EPDR1: variants seen among roughly 807,000 people sequenced by gnomAD.
EPDR1 encodes the protein mammalian ependymin-related protein 1.
In EPDR1, 27 loss-of-function variants were observed where a neutral mutation model predicts 23.7. The ratio of observed to expected loss-of-function variants is 1.14; its 90% CI spans 0.84 to 1.57. The LOEUF (loss-of-function observed/expected upper bound fraction) is 1.57, where lower values mean the gene tolerates loss of function less well. Ranked by LOEUF, EPDR1 falls within the 40% of genes most tolerant of loss-of-function variation. EPDR1 has a pLI of 0.00. For missense variants in EPDR1, 349 were observed against 290.4 expected, an observed-to-expected ratio of 1.20 and a Z score of -1.47; for synonymous variants, 137 against 118.2, an observed-to-expected ratio of 1.16 and a Z score of -1.03.
chr7:37,941,409 G>C (rs1426208153), intron 1 of EPDR1, among the ~76,000 whole-genome samples: 1 of 152,208 alleles, frequency 6.6e-6, no homozygotes, highest in African/African-American at 2.4e-5. Flanking sequence ...GGTGATCAAA[G>C]TTAGCAGCAT....
Position 37,950,628 on chromosome 7 carries a change from T to A in EPDR1, c.*232T>A. 1 of 503,828 alleles carries A rather than the reference T, an allele frequency of 2.0e-6. No individual in the cohort carries two copies. The highest frequency in any genetic ancestry group is 3.5e-6 in the Non-Finnish European group (1 of 284,048). The allele number at this position is 503,828 out of a possible 1,614,324, so 31.2% of individuals were successfully genotyped here. A position where few individuals can be genotyped will look rare whatever the true frequency, so the allele number is the denominator to read the frequency against. Reference sequence around the variant, plus strand: ...ATATGAACTGACTAGATGGCTAATATGGACACTTTGGGTATTTCTAATGCC... The same window carrying A: ...ATATGAACTGACTAGATGGCTAATAAGGACACTTTGGGTATTTCTAATGCC... On this transcript the variant is annotated 3_prime_UTR_variant, in exon 3 of 3. Coordinates refer to ENST00000199448, the MANE Select transcript of EPDR1 (RefSeq NM_017549.5).
chr7:37,927,326 G>T (rs989577553), intron 1 of EPDR1, among the ~76,000 whole-genome samples: 2 of 152,014 alleles, frequency 1.3e-5, no homozygotes, highest in East Asian at 1.9e-4. Flanking sequence ...CCATACAGGT[G>T]TTTAAACTGA....
intron 1 of EPDR1, among the ~76,000 whole-genome samples, chr7:37,948,070 C>T (rs1241115567): frequency 6.6e-6 from 1 of 152,204 alleles, no homozygotes; most frequent in Non-Finnish European, 1.5e-5. Flanking sequence ...GCAGTGGAGG[C>T]AGTGAAGCAC....
chr7:37,927,365 G>A (rs976914250), intron 1 of EPDR1, among the ~76,000 whole-genome samples: 1 of 146,158 alleles, frequency 6.8e-6, no homozygotes, highest in Non-Finnish European at 1.6e-5. Flanking sequence ...ACACTACATG[G>A]TTCATTCTAG....
chr7:37,924,103 G>C (rs1395574808), intron 1 of EPDR1, among the ~76,000 whole-genome samples: 2 of 152,172 alleles, frequency 1.3e-5, no homozygotes, highest in Non-Finnish European at 2.9e-5. Context: ...GAGTCTTATT[G>C]CTGGCATGAG....
Position 37,951,612 on chromosome 7 carries a change from G to T in EPDR1, c.*1216G>T, listed in dbSNP as rs1270228105. On this transcript the variant is annotated 3_prime_UTR_variant, in exon 3 of 3. Transcript: ENST00000199448. ...AGAGTGAAGAATGCCAGCCTCTCTT[G>T]TCCCTGGTTTCCTTATGTGTTGAAT... 6.6e-6 allele frequency: 1 copy of T among 152,222 alleles called. No individual in the cohort carries two copies. The highest frequency in any genetic ancestry group is 1.9e-4 in the East Asian group (1 of 5,198). The allele number at this position is 152,222 out of a possible 1,614,324, so 9.4% of individuals were successfully genotyped here. A position where few individuals can be genotyped will look rare whatever the true frequency, so the allele number is the denominator to read the frequency against.
In EPDR1 at chr7:37,921,135, C is replaced by T; in HGVS notation, c.196C>T (p.Leu66=). 1.3e-6 allele frequency: 2 copies of T among 1,596,240 alleles called. No individual in the cohort carries two copies. Among genetic ancestry groups the T allele is most frequent in the South Asian group, 2.2e-5 (2 of 90,914 alleles). The change falls in exon 1 of 3, where the codon CTG becomes TTG. Residue 66 remains leucine, a synonymous_variant. Transcript: ENST00000199448. ...AAGTAGCGGGCGCAACAGCCGCGCC[C>T]TGCTCTCCTACGACGGGCTCAACCA... The part of the protein sequence containing the change: ...QQSSGRNSRA[L]LSYDGLNQRV...
intron 1 of EPDR1, among the ~76,000 whole-genome samples, chr7:37,948,398 C>T (rs1016647651): frequency 4.7e-5 from 7 of 148,834 alleles, no homozygotes; most frequent in African/African-American, 7.5e-5. Flanking sequence ...GTATGTAGTG[C>T]GGTGGCATGA....
chr7:37,949,014 C>A lies in EPDR1; in HGVS notation c.444C>A (p.Val148=). The A allele has an allele frequency of 1.2e-6, 2 of 1,614,136 alleles. No homozygotes were observed. Among genetic ancestry groups the A allele is most frequent in the Non-Finnish European group, 1.7e-6 (2 of 1,180,020 alleles). The change falls in exon 2 of 3, where the codon GTC becomes GTA. Residue 148 remains valine (V), a synonymous_variant. Transcript: ENST00000199448. ...SIGGPQEQIT[V]QEWSDRKSAR... The stretch of plus-strand genomic sequence containing the variant: ...GGGGGCCTCAGGAGCAGATCACCGT[C>A]CAGGAGTGGTCGGACAGAAAGTCAG...
rs149991556 is a variant in EPDR1, at chr7:37,921,113, T to C, written c.174T>C (p.Ser58=). 2,376 of 1,594,106 alleles carry C rather than the reference T, an allele frequency of 1.5e-3. 60 individuals are homozygous for C. The East Asian group carries it at 0.048, about 32-fold the overall frequency. ...GGCGCCAGGTTATGTACCAGCAAAGTAGCGGGCGCAACAGCCGCGCCCTGC... is the reference window on the plus strand; with the variant it reads ...GGCGCCAGGTTATGTACCAGCAAAGCAGCGGGCGCAACAGCCGCGCCCTGC... ...WEGRQVMYQQ[S]SGRNSRALLS... The change falls in exon 1 of 3, where the codon AGT becomes AGC. Residue 58 remains serine (S), a synonymous_variant. Coordinates refer to ENST00000199448, the MANE Select transcript of EPDR1 (RefSeq NM_017549.5).
At chr7:37,936,079 C>A (rs1370937951) in intron 1 of EPDR1, among the ~76,000 whole-genome samples, 1 of 125,206 alleles carries the variant, frequency 8.0e-6, no homozygotes, top group Non-Finnish European at 1.6e-5. Context: ...TATTGTAATT[C>A]ATTCTCACTT....
At chr7:37,950,170 A>G (rs780991410) in intron 2 of EPDR1, 30 bp from the exon 3 acceptor site, 2 of 1,527,106 alleles carry the variant, frequency 1.3e-6, no homozygotes, top group Admixed American at 3.6e-5. Context: ...TGTCTTCTTT[A>G]TTTAAAAGTC....
At chr7:37,945,879 C>A (rs555283646) in intron 1 of EPDR1, among the ~76,000 whole-genome samples, 2 of 152,296 alleles carry the variant, frequency 1.3e-5, no homozygotes, top group Non-Finnish European at 1.5e-5. Flanking sequence ...TCCCCCTCCC[C>A]CAAGCTCCAC....
Position 37,951,315 on chromosome 7 carries a change from A to G in EPDR1, c.*919A>G, listed in dbSNP as rs2722278. The stretch of plus-strand genomic sequence containing the variant: ...GCCCGCACTTTGGCCTTCCTAGAAC[A>G]CTGCTTCATAACCTCTCTGTCTGAC... On this transcript the variant is annotated 3_prime_UTR_variant, in exon 3 of 3. Coordinates refer to ENST00000199448, the MANE Select transcript of EPDR1 (RefSeq NM_017549.5). 135,838 of 152,280 alleles carry G rather than the reference A, an allele frequency of 0.89. 61,023 individuals are homozygous for G. Among genetic ancestry groups the G allele is most frequent in the Non-Finnish European group, 0.93 (63,376 of 68,052 alleles). The allele number at this position is 152,280 out of a possible 1,614,324, so 9.4% of individuals were successfully genotyped here. A position where few individuals can be genotyped will look rare whatever the true frequency, so the allele number is the denominator to read the frequency against.
At chr7:37,949,566 T>C (rs546622266) in intron 2 of EPDR1, among the ~76,000 whole-genome samples, 1 of 152,208 alleles carries the variant, frequency 6.6e-6, no homozygotes, top group Non-Finnish European at 1.5e-5. Flanking sequence ...TCTCAAAAAA[T>C]TAAAGATAAG....
chr7:37,936,044 A>AC lies in EPDR1; in HGVS notation c.270-12796_270-12795insC, dbSNP rs1554374649. ...TATATATATATATATATATATACAC[A>AC]AGGGAAATGTGAATCTGTTAAAATT... is the stretch of plus-strand genomic sequence containing the variant. On this transcript the variant is annotated intron_variant, in intron 1 of 2. Coordinates refer to ENST00000199448, the MANE Select transcript of EPDR1 (RefSeq NM_017549.5). Among the ~76,000 whole-genome samples, 46 of 127,602 alleles carry AC rather than the reference A, an allele frequency of 3.6e-4. 3 individuals carry two copies. Among genetic ancestry groups the AC allele is most frequent in the Non-Finnish European group, 5.9e-4 (36 of 60,644 alleles). 83.7% of individuals were successfully genotyped at this position (127,602 alleles called of 152,430 possible). A position where few individuals can be genotyped will look rare whatever the true frequency, so the allele number is the denominator to read the frequency against.
chr7:37,949,151 C>A, intron 2 of EPDR1, 103 bp downstream of exon 2: 1 of 1,191,480 alleles, frequency 8.4e-7, no homozygotes, highest in Non-Finnish European at 1.2e-6. Context: ...TCCGCTTAAT[C>A]AAAAATTTTT....
At chr7:37,921,246 C>T (rs1384402928) in intron 1 of EPDR1, 38 bp downstream of exon 1, 3 of 1,550,086 alleles carry the variant, frequency 1.9e-6, no homozygotes, top group Admixed American at 1.9e-5. Flanking sequence ...AGTAGGGAGC[C>T]GCGCGGGCAT....
chr7:37,945,458 TACCTCATAGAA>T (rs1419055153), intron 1 of EPDR1, among the ~76,000 whole-genome samples: 1 of 152,214 alleles, frequency 6.6e-6, no homozygotes, highest in African/African-American at 2.4e-5. Flanking sequence ...ATTTCCATAC[TACCTCATAGAA>T]ACCTGAAGCA....
Sources: allele counts gnomAD v4.1 joint callset (sites outside exome capture counted in the v4.1 genomes callset), GRCh38; gene constraint gnomAD v4.1.1; transcripts MANE v1.5; gene names NCBI Gene and HGNC (gene_info 2026-07-23, HGNC 2026-07-21).